Variants in ROCK1 observed in about 807,000 individuals in gnomAD.
ROCK1 encodes the protein Rho associated coiled-coil containing protein kinase 1.
ROCK1 carries 36 observed loss-of-function variants against 196.8 expected under a neutral mutation model. The observed-to-expected ratio is 0.18, with a 90% CI of 0.14 to 0.24. ROCK1 has a LOEUF of 0.24. Among genes scored for constraint, ROCK1 ranks in the 10% least tolerant of loss-of-function variants. The probability of loss-of-function intolerance (pLI) is 1.00; values close to 1 mark genes in which losing one functional copy is unlikely to be tolerated. For synonymous variants in ROCK1, 443 were observed against 515.9 expected (o/e 0.86, Z 1.91); for missense variants, 920 against 1,562.0 (o/e 0.59, Z 6.93).
chr18:21,028,908 C>T lies in ROCK1; in HGVS notation c.1079G>A (p.Ser360Asn). ...AAAATTACTAGTATCAATGTCACTACTTAAATCGGGTACAACTGGTGCTAC... is the reference window on the plus strand; with the variant it reads ...AAAATTACTAGTATCAATGTCACTATTTAAATCGGGTACAACTGGTGCTAC... The part of the protein sequence containing the change: ...DTVAPVVPDL[S>N]SDIDTSNFDD... Residue 360 changes from serine (S) to asparagine (N), a missense_variant, in exon 10 of 33, where the codon AGT (serine) becomes AAT (asparagine). Coordinates refer to ENST00000399799, the MANE Select transcript of ROCK1 (RefSeq NM_005406.3). 3 of 1,610,906 alleles carry T rather than the reference C, an allele frequency of 1.9e-6. No individual in the cohort carries two copies. The highest frequency in any genetic ancestry group is 2.5e-6 in the Non-Finnish European group (3 of 1,179,268).
intron 19 of ROCK1, 118 bp downstream of exon 19, chr18:20,986,832 T>C (rs1157392708): frequency 5.6e-6 from 5 of 892,550 alleles, no homozygotes; most frequent in South Asian, 1.8e-5. Flanking sequence ...CACAGACCCA[T>C]GTCAATTATT....
At chr18:20,978,174 A>T (rs1331896160) in intron 22 of ROCK1, among the ~76,000 whole-genome samples, 2 of 151,900 alleles carry the variant, frequency 1.3e-5, no homozygotes, top group Non-Finnish European at 2.9e-5. Flanking sequence ...TATTTATAAA[A>T]CTAGTGAAAA....
At chr18:21,054,259 G>A (rs571468732) in intron 2 of ROCK1, among the ~76,000 whole-genome samples, 1 of 152,010 alleles carries the variant, frequency 6.6e-6, no homozygotes, top group East Asian at 1.9e-4. Context: ...CTCTAGTCTA[G>A]TCTCTCTTAA....
chr18:21,090,766 G>A (rs1552110), intron 1 of ROCK1, among the ~76,000 whole-genome samples: 121,294 of 152,086 alleles, frequency 0.8, 52,214 homozygotes, highest in Non-Finnish European at 0.96. Flanking sequence ...AACTTATAAT[G>A]TGCCAAGCAG....
chr18:20,959,103 T>TATTATATAATATATATATTTTATATAA (rs1568367416), intron 29 of ROCK1, among the ~76,000 whole-genome samples: 5 of 17,548 alleles, frequency 2.8e-4, no homozygotes, highest in Non-Finnish European at 4.5e-4. Flanking sequence ...AATATATATA[T>TATTATATAATATATATATTTTATATAA]TATATATATA....
intron 16 of ROCK1, among the ~76,000 whole-genome samples, chr18:20,999,988 T>C (rs755556748): frequency 3.9e-5 from 6 of 152,156 alleles, no homozygotes; most frequent in Non-Finnish European, 7.3e-5. Flanking sequence ...TTCAAAGAAA[T>C]TGCTATCAAA....
chr18:21,105,184 A>G (rs1000187687), intron 1 of ROCK1, among the ~76,000 whole-genome samples: 1 of 152,248 alleles, frequency 6.6e-6, no homozygotes, highest in African/African-American at 2.4e-5. Context: ...AAGATGAAAC[A>G]GCATTGAGAG....
intron 1 of ROCK1, 80 bp from the exon 2 acceptor site, chr18:21,070,693 G>T: frequency 2.4e-6 from 2 of 830,028 alleles, no homozygotes; most frequent in Non-Finnish European, 3.7e-6. Context: ...TAAAATATAC[G>T]CTTTAATATT....
chr18:20,951,354 C>T lies in ROCK1; in HGVS notation c.*30G>A. On this transcript the variant is annotated 3_prime_UTR_variant, in exon 33 of 33. Coordinates refer to ENST00000399799, the MANE Select transcript of ROCK1 (RefSeq NM_005406.3). ...GCCTGGTTTATCAGGTAGCATCCCACACGATTCCACAGGGCACTCAGTCAC... is the reference window on the plus strand; with the variant it reads ...GCCTGGTTTATCAGGTAGCATCCCATACGATTCCACAGGGCACTCAGTCAC... The T allele has an allele frequency of 6.2e-7, 1 of 1,600,382 alleles. No homozygotes were observed. Among genetic ancestry groups the T allele is most frequent in the Admixed American group, 1.7e-5 (1 of 58,298 alleles).
intron 29 of ROCK1, among the ~76,000 whole-genome samples, chr18:20,959,121 ATATATAT>A (rs2035294960): frequency 1.2e-4 from 6 of 52,100 alleles, no homozygotes; most frequent in Non-Finnish European, 1.7e-4. Context: ...ATATTATATA[ATATATAT>A]ATTATATATA....
chr18:20,984,073 T>C (rs1375151062), intron 20 of ROCK1, among the ~76,000 whole-genome samples: 1 of 152,212 alleles, frequency 6.6e-6, no homozygotes, highest in Non-Finnish European at 1.5e-5. Flanking sequence ...AAATAAACCT[T>C]GAACATCTCC....
At chr18:21,098,695 A>C (rs2036632389) in intron 1 of ROCK1, among the ~76,000 whole-genome samples, 1 of 152,114 alleles carries the variant, frequency 6.6e-6, no homozygotes, top group Non-Finnish European at 1.5e-5. Flanking sequence ...CTAATACATA[A>C]AGAGCTTCTA....
intron 32 of ROCK1, among the ~76,000 whole-genome samples, chr18:20,951,615 T>A (rs45439599): frequency 6.6e-6 from 1 of 152,076 alleles, no homozygotes; most frequent in Non-Finnish European, 1.5e-5. Flanking sequence ...TCATTTTAGA[T>A]CCAGTTTACA....
chr18:20,987,160 A>ATG (rs1388539193), intron 18 of ROCK1, 50 bp from the exon 19 acceptor site: 13 of 1,555,086 alleles, frequency 8.4e-6, no homozygotes, highest in Non-Finnish European at 1.1e-5. Context: ...GAGTACTTTA[A>ATG]CACATTTCAC....
chr18:21,111,084 G>A lies in ROCK1; in HGVS notation c.-174C>T, dbSNP rs1483104754. The A allele has an allele frequency of 2.1e-5, 13 of 605,624 alleles. No individual in the cohort carries two copies. Among genetic ancestry groups the A allele is most frequent in the East Asian group, 5.6e-5 (2 of 35,730 alleles). The allele number at this position is 605,624 out of a possible 1,614,324, so 37.5% of individuals were successfully genotyped here. ...TCACTGAGGGGACCTCCGCTCTCCA[G>A]ACCCCGGGCCGGGGGCAACAGCGAC... On this transcript the variant is annotated 5_prime_UTR_variant, in exon 1 of 33. Transcript: ENST00000399799. This position sits in a 1 kb window ranked among gnomAD's most constrained non-coding sequence, Gnocchi z 4.2.
chr18:20,951,877 G>C (rs1423824143), intron 32 of ROCK1, among the ~76,000 whole-genome samples: 2 of 152,172 alleles, frequency 1.3e-5, no homozygotes, highest in Non-Finnish European at 2.9e-5. Context: ...AATTCGAGTG[G>C]CCCTATTAAT....
At chr18:20,979,591 C>T (rs2035511569) in intron 22 of ROCK1, among the ~76,000 whole-genome samples, 1 of 151,226 alleles carries the variant, frequency 6.6e-6, no homozygotes. Context: ...CACTGCACTC[C>T]AGCCTGAGTG....
chr18:21,073,287 A>C (rs2036403013), intron 1 of ROCK1, among the ~76,000 whole-genome samples: 2 of 152,160 alleles, frequency 1.3e-5, no homozygotes, highest in African/African-American at 4.8e-5. Flanking sequence ...ATAATCAATT[A>C]AAAGTATAAC....
intron 29 of ROCK1, among the ~76,000 whole-genome samples, chr18:20,956,410 C>T (rs1325492026): frequency 6.6e-6 from 1 of 152,068 alleles, no homozygotes; most frequent in Non-Finnish European, 1.5e-5. Flanking sequence ...CACAATAGGC[C>T]TAACTACATT....
Sources: gnomAD v4.1 joint callset for allele counts (sites outside exome capture counted in the v4.1 genomes callset) on GRCh38, gnomAD v4.1.1 for gene constraint, Gnocchi (gnomAD v3.1) non-coding constraint, MANE v1.5 for transcripts, NCBI Gene and HGNC (gene_info 2026-07-23, HGNC 2026-07-21) for gene names.